LMNB1: variants seen among roughly 807,000 people sequenced by gnomAD.
The protein encoded by LMNB1 is lamin B1, also known as lamin-B1.
LMNB1 carries 23 observed loss-of-function variants against 67.1 expected under a neutral mutation model. The ratio of observed to expected loss-of-function variants is 0.34; its 90% CI spans 0.25 to 0.49. The LOEUF (loss-of-function observed/expected upper bound fraction) is 0.49, where lower values mean the gene tolerates loss of function less well. LMNB1 is among the 20% of genes least tolerant of loss of function. The pLI, the probability that LMNB1 is intolerant of heterozygous loss-of-function variation, is 0.99. For missense variants in LMNB1, 634 were observed against 746.5 expected, an observed-to-expected ratio of 0.85 and a Z score of 1.76; for synonymous variants, 281 against 282.9, an observed-to-expected ratio of 0.99 and a Z score of 0.07.
At chr5:126,779,331 G>C (rs1020467312) in intron 1 of LMNB1, among the ~76,000 whole-genome samples, 2 of 152,138 alleles carry the variant, frequency 1.3e-5, no homozygotes, top group Non-Finnish European at 2.9e-5. Context: ...TGGATATTTA[G>C]TTATACAACT....
intron 9 of LMNB1, among the ~76,000 whole-genome samples, chr5:126,831,714 A>G (rs992948849): frequency 2.0e-5 from 3 of 152,216 alleles, no homozygotes; most frequent in African/African-American, 7.2e-5. Context: ...TATCTTTGCC[A>G]GGAGCTAAGA....
upstream of LMNB1, chr5:126,776,828 C>G (rs1750458361): frequency 6.6e-6 from 1 of 152,250 alleles, no homozygotes; most frequent in South Asian, 2.1e-4. Context: ...GCGGGAGGGC[C>G]CTGGGCCCAG....
intron 1 of LMNB1, among the ~76,000 whole-genome samples, chr5:126,798,694 C>CTG (rs1185478450): frequency 1.3e-5 from 2 of 151,104 alleles, no homozygotes; most frequent in Non-Finnish European, 2.9e-5. Context: ...TTGTGTGTGT[C>CTG]TGTGTGTGTG....
intron 9 of LMNB1, among the ~76,000 whole-genome samples, chr5:126,828,784 A>G (rs554425887): frequency 4.0e-5 from 6 of 150,572 alleles, no homozygotes; most frequent in Admixed American, 4.0e-4. Flanking sequence ...GATGGTCTCA[A>G]TCTCTTGACC....
In LMNB1 at chr5:126,810,261, C is replaced by T. The variant is rs1406229522; in HGVS notation, c.724C>T (p.Leu242=). The stretch of plus-strand genomic sequence containing the variant: ...GCGTCAAATTGAGTATGAGTACAAG[C>T]TGGCGCAAGCCCTTCATGAGATGAG... ...SGRQIEYEYK[L]AQALHEMREQ... The change falls in exon 4 of 11, where the codon CTG becomes TTG. Residue 242 remains leucine (L), a synonymous_variant. Transcript: ENST00000261366. 2.5e-6 allele frequency: 4 copies of T among 1,614,024 alleles called. No homozygotes were observed. Among genetic ancestry groups the T allele is most frequent in the East Asian group, 4.5e-5 (2 of 44,890 alleles).
intron 3 of LMNB1, among the ~76,000 whole-genome samples, chr5:126,806,089 G>T (rs142052668): frequency 0.028 from 4,315 of 152,246 alleles, 173 homozygotes; most frequent in African/African-American, 0.096. Flanking sequence ...CGAGTAGCTG[G>T]AACTACAGGC....
At chr5:126,791,991 C>G (rs973061470) in intron 1 of LMNB1, among the ~76,000 whole-genome samples, 4 of 152,044 alleles carry the variant, frequency 2.6e-5, no homozygotes, top group African/African-American at 9.6e-5. Context: ...CCATGTTGGT[C>G]AGGCTGGTCT....
rs536203136 is a variant in LMNB1 at position 126,777,141 on chromosome 5, G to A, written c.-368G>A. The A allele has an allele frequency of 6.9e-6, 1 of 144,714 alleles. No individual in the cohort carries two copies. The highest frequency in any genetic ancestry group is 1.5e-5 in the Non-Finnish European group (1 of 66,262). The allele number at this position is 144,714 out of a possible 1,614,324, so 9.0% of individuals were successfully genotyped here. On this transcript the variant is annotated 5_prime_UTR_variant, in exon 1 of 11. In the 5' UTR this introduces an upstream ATG that the reference lacks. Transcript: ENST00000261366. ...CCCTCCTCCCCCCGCCCGCCGCTCC[G>A]TGCAGCCTGAGAGGAAACAAAGTGC...
At chr5:126,821,271 A>G (rs1751862558) in intron 7 of LMNB1, 136 bp downstream of exon 7, 1 of 598,902 alleles carries the variant, frequency 1.7e-6, no homozygotes, top group Non-Finnish European at 3.0e-6. Context: ...TTTTTACTTA[A>G]ATTCATAAAA....
chr5:126,780,776 A>C (rs969423061), intron 1 of LMNB1, among the ~76,000 whole-genome samples: 2 of 152,144 alleles, frequency 1.3e-5, no homozygotes, highest in African/African-American at 4.8e-5. Flanking sequence ...TGCTCAAAAC[A>C]TGCCACATTT....
intron 5 of LMNB1, among the ~76,000 whole-genome samples, chr5:126,815,462 A>G (rs1322553527): frequency 6.6e-6 from 1 of 152,212 alleles, no homozygotes; most frequent in African/African-American, 2.4e-5. Flanking sequence ...ACAGTATGGT[A>G]CTTAAAAACA....
intron 9 of LMNB1, among the ~76,000 whole-genome samples, chr5:126,827,720 A>C (rs987961642): frequency 2.0e-5 from 3 of 152,228 alleles, no homozygotes; most frequent in African/African-American, 7.2e-5. Flanking sequence ...AGCCCTAGAA[A>C]ATATTGACAT....
chr5:126,792,380 T>C (rs1036221909), intron 1 of LMNB1, among the ~76,000 whole-genome samples: 2 of 151,608 alleles, frequency 1.3e-5, no homozygotes, highest in Non-Finnish European at 2.9e-5. Context: ...TGACCTCAGG[T>C]GATTCGCCTG....
intron 1 of LMNB1, among the ~76,000 whole-genome samples, chr5:126,801,418 A>G (rs12523041): frequency 0.28 from 43,143 of 151,912 alleles, 6,349 homozygotes; most frequent in East Asian, 0.35. Context: ...CCACAAGTAA[A>G]TACTCTCTTC....
At chr5:126,800,618 G>C (rs900635833) in intron 1 of LMNB1, among the ~76,000 whole-genome samples, 2 of 147,642 alleles carry the variant, frequency 1.4e-5, no homozygotes, top group South Asian at 4.3e-4. Flanking sequence ...GGGCTTGATG[G>C]GACACTGGAC....
chr5:126,808,081 A>C (rs1363609751), intron 3 of LMNB1, among the ~76,000 whole-genome samples: 1 of 152,182 alleles, frequency 6.6e-6, no homozygotes, highest in East Asian at 1.9e-4. Flanking sequence ...CACATTGGCC[A>C]GGCTGGTCTC....
chr5:126,777,920 C>T, intron 1 of LMNB1, 53 bp downstream of exon 1: 3 of 1,375,150 alleles, frequency 2.2e-6, no homozygotes, highest in East Asian at 5.9e-5. Context: ...GGGGCGCAAC[C>T]GCGGCGACCA....
chr5:126,792,268 G>A (rs530965937), intron 1 of LMNB1, among the ~76,000 whole-genome samples: 35 of 147,598 alleles, frequency 2.4e-4, no homozygotes, highest in African/African-American at 7.3e-4. Flanking sequence ...TCAGCCTCCC[G>A]AGTAACTGGG....
At chr5:126,778,738 A>C (rs1204841456) in intron 1 of LMNB1, among the ~76,000 whole-genome samples, 1 of 150,232 alleles carries the variant, frequency 6.7e-6, no homozygotes, top group African/African-American at 2.4e-5. Context: ...TCCTCGTAGT[A>C]TAGTCAGGCT....
Sources: gnomAD v4.1 joint callset for allele counts (sites outside exome capture counted in the v4.1 genomes callset) on GRCh38, gnomAD v4.1.1 for gene constraint, MANE v1.5 for transcripts, NCBI Gene and HGNC (gene_info 2026-07-23, HGNC 2026-07-21) for gene names.